DLG1: variants seen among roughly 807,000 people sequenced by gnomAD.
DLG1 encodes disks large homolog 1.
In DLG1, 42 loss-of-function variants were observed where a neutral mutation model predicts 123.4. The ratio of observed to expected loss-of-function variants is 0.34; its 90% confidence interval spans 0.27 to 0.44. DLG1 has a LOEUF of 0.44. Among genes scored for constraint, DLG1 ranks in the 20% least tolerant of loss-of-function variants. The pLI, the probability that DLG1 is intolerant of heterozygous loss-of-function variation, is 1.00. For synonymous variants in DLG1, 317 were observed against 356.2 expected (o/e 0.89, Z 1.24); for missense variants, 942 against 1,082.6 (o/e 0.87, Z 1.82).
chr3:197,099,694 C>T (rs11719894), intron 14 of DLG1, among the ~76,000 whole-genome samples: 44,345 of 152,054 alleles, frequency 0.29, 6,954 homozygotes, highest in Middle Eastern at 0.38. Context: ...GGAAATTGGA[C>T]TTCCTCAATC....
chr3:197,075,169 C>A (rs9876485), intron 18 of DLG1, among the ~76,000 whole-genome samples: 24,667 of 151,464 alleles, frequency 0.16, 2,138 homozygotes, highest in Middle Eastern at 0.18. Context: ...ACATACTAGA[C>A]CCTGTGTGAA....
At chr3:197,223,815 A>T (rs541054817) in intron 4 of DLG1, among the ~76,000 whole-genome samples, 11 of 152,326 alleles carry the variant, frequency 7.2e-5, no homozygotes, top group Non-Finnish European at 1.5e-4. Context: ...ACATATTAAA[A>T]TTTTTAATTA....
chr3:197,117,447 T>G (rs747365645), intron 12 of DLG1, among the ~76,000 whole-genome samples: 2 of 152,216 alleles, frequency 1.3e-5, no homozygotes, highest in African/African-American at 2.4e-5. Flanking sequence ...TGCCCATCAT[T>G]AGATGAATAA....
intron 6 of DLG1, among the ~76,000 whole-genome samples, chr3:197,148,431 A>AG (rs1365685711): frequency 1.0e-4 from 15 of 149,748 alleles, no homozygotes; most frequent in East Asian, 3.9e-4. Flanking sequence ...AAAAAAAAAA[A>AG]AGAGAGAGAA....
chr3:197,159,538 C>T (rs761653364), intron 5 of DLG1, among the ~76,000 whole-genome samples: 3 of 152,116 alleles, frequency 2.0e-5, no homozygotes, highest in Admixed American at 1.3e-4. Flanking sequence ...TACATCCTAA[C>T]GCATCTAAAT....
chr3:197,233,111 A>G (rs1182755573), intron 4 of DLG1, among the ~76,000 whole-genome samples: 1 of 152,232 alleles, frequency 6.6e-6, no homozygotes, highest in Non-Finnish European at 1.5e-5. Context: ...AGGATACAAG[A>G]GTAAAATAAA....
At chr3:197,214,323 C>T (rs545426123) in intron 4 of DLG1, among the ~76,000 whole-genome samples, 4 of 152,204 alleles carry the variant, frequency 2.6e-5, no homozygotes, top group South Asian at 2.1e-4. Flanking sequence ...GGGCCAGGCG[C>T]GGTGGCTTTG....
intron 9 of DLG1, 100 bp from the exon 10 acceptor site, chr3:197,136,778 AT>A: frequency 3.0e-6 from 3 of 1,016,084 alleles, no homozygotes; most frequent in East Asian, 2.5e-5. Flanking sequence ...TCACACTAAT[AT>A]TTTTTAAAAT....
intron 4 of DLG1, among the ~76,000 whole-genome samples, chr3:197,256,658 C>T (rs2150918799): frequency 6.6e-6 from 1 of 152,298 alleles, no homozygotes; most frequent in East Asian, 1.9e-4. Flanking sequence ...TTTTACATAG[C>T]ATAAACTAAA....
intron 21 of DLG1, 102 bp from the exon 22 acceptor site, chr3:197,065,550 T>C: frequency 5.3e-6 from 6 of 1,121,990 alleles, no homozygotes; most frequent in Admixed American, 2.6e-5. Flanking sequence ...ACAGAACAGA[T>C]TAATTTAAAT....
intron 5 of DLG1, among the ~76,000 whole-genome samples, chr3:197,190,782 G>A (rs900591936): frequency 2.6e-5 from 4 of 152,296 alleles, no homozygotes; most frequent in East Asian, 1.9e-4. Flanking sequence ...AGGCCGAGGC[G>A]GGCGGATCAC....
At chr3:197,250,002 C>A (rs574809864) in intron 4 of DLG1, among the ~76,000 whole-genome samples, 44 of 152,212 alleles carry the variant, frequency 2.9e-4, no homozygotes, top group African/African-American at 1.1e-3. Flanking sequence ...AGGTCTGGAC[C>A]AAGACAAAAA....
chr3:197,076,160 TAATG>T (rs1407612620), intron 18 of DLG1, among the ~76,000 whole-genome samples: 23 of 152,170 alleles, frequency 1.5e-4, no homozygotes, highest in Admixed American at 1.5e-3. Flanking sequence ...TGTCTACATA[TAATG>T]AAGAAATAGG....
At chr3:197,170,017 T>C (rs1386137627) in intron 5 of DLG1, among the ~76,000 whole-genome samples, 2 of 152,212 alleles carry the variant, frequency 1.3e-5, no homozygotes, top group African/African-American at 4.8e-5. Context: ...CGGTATTTGA[T>C]TTTTTGTTCC....
chr3:197,194,952 T>C (rs539181393), intron 4 of DLG1, among the ~76,000 whole-genome samples: 26 of 152,238 alleles, frequency 1.7e-4, no homozygotes, highest in African/African-American at 5.8e-4. Context: ...CGTTAACTTG[T>C]ACACAAATTT....
Position 197,065,367 on chromosome 3 carries a change from T to A in DLG1, c.2282A>T (p.Asp761Val). 6.2e-7 allele frequency: 1 copy of A among 1,613,450 alleles called. No individual in the cohort carries two copies. Among genetic ancestry groups the A allele is most frequent in the Non-Finnish European group, 8.5e-7 (1 of 1,179,722 alleles). The change falls in exon 22 of 25, where the codon GAT becomes GTT. Residue 761 changes from aspartate to valine, a missense_variant. Coordinates refer to ENST00000667157, the MANE Select transcript of DLG1 (RefSeq NM_001366207.1). ...FVTSREQMEK[D>V]IQEHKFIEAG... ...TTCAATGAATTTATGTTCCTGGATATCTTTTTCCATCTGCTCTCTTGAAGT... is the reference window on the plus strand; with the variant it reads ...TTCAATGAATTTATGTTCCTGGATAACTTTTTCCATCTGCTCTCTTGAAGT...
At chr3:197,275,152 C>T (rs1167785165) in intron 4 of DLG1, among the ~76,000 whole-genome samples, 1 of 151,168 alleles carries the variant, frequency 6.6e-6, no homozygotes, top group Admixed American at 6.6e-5. Flanking sequence ...CGCCACTGCA[C>T]CCCAGCCTGG....
At chr3:197,164,739 TAAAAAAAAA>T (rs145314765) in intron 5 of DLG1, among the ~76,000 whole-genome samples, 12 of 130,690 alleles carry the variant, frequency 9.2e-5, no homozygotes, top group African/African-American at 2.7e-4. Flanking sequence ...CCGTCTCTAC[TAAAAAAAAA>T]AAAAAAAGAA....
chr3:197,057,659 G>A (rs61066176), intron 23 of DLG1, among the ~76,000 whole-genome samples: 1 of 152,046 alleles, frequency 6.6e-6, no homozygotes, highest in African/African-American at 2.4e-5. Flanking sequence ...TCCATGATTA[G>A]TTGGGCACTA....
Sources: allele counts gnomAD v4.1 joint callset (sites outside exome capture counted in the v4.1 genomes callset), GRCh38; gene constraint gnomAD v4.1.1; transcripts MANE v1.5; gene names NCBI Gene and HGNC (gene_info 2026-07-23, HGNC 2026-07-21).